NCKAP5: variants seen among roughly 807,000 people sequenced by gnomAD.
NCKAP5 encodes the protein NCK associated protein 5.
Under a neutral mutation model 167.0 loss-of-function variants are expected in NCKAP5, and 92 were observed. That is an observed-to-expected ratio of 0.55 (90% confidence interval 0.47 to 0.66). The LOEUF (loss-of-function observed/expected upper bound fraction) is 0.66. NCKAP5 is among the 30% of genes least tolerant of loss of function. NCKAP5 has a pLI of 0.00. For synonymous variants in NCKAP5, 891 were observed against 877.4 expected (o/e 1.02, Z -0.27); for missense variants, 2,378 against 2,315.0 (o/e 1.03, Z -0.56).
At chr2:133,605,723 T>C in the NCKAP5 span, among the ~76,000 whole-genome samples, 2 of 152,246 alleles carry the variant, frequency 1.3e-5, no homozygotes, top group African/African-American at 4.8e-5. Flanking sequence ...GTTGATTTGA[T>C]TTGTTCTTAT....
At chr2:132,838,397 C>T (rs372721463) in intron 11 of NCKAP5, among the ~76,000 whole-genome samples, 2 of 152,138 alleles carry the variant, frequency 1.3e-5, no homozygotes, top group Admixed American at 6.5e-5. Context: ...TTTGGGAGGC[C>T]GAGGTGGGTG....
At chr2:132,996,725 T>C (rs1312655842) in intron 6 of NCKAP5, among the ~76,000 whole-genome samples, 2 of 152,254 alleles carry the variant, frequency 1.3e-5, no homozygotes, top group Non-Finnish European at 2.9e-5. Context: ...GTAGATAAAA[T>C]ACATACTCAC....
chr2:132,715,104 C>G (rs1208990094), intron 19 of NCKAP5, among the ~76,000 whole-genome samples: 1 of 152,180 alleles, frequency 6.6e-6, no homozygotes, highest in Non-Finnish European at 1.5e-5. Context: ...GAAATGGTCT[C>G]TCTCTTGATC....
At chr2:132,780,781 T>C (rs546357048) in intron 15 of NCKAP5, among the ~76,000 whole-genome samples, 101 of 152,352 alleles carry the variant, frequency 6.6e-4, no homozygotes, top group African/African-American at 2.4e-3. Context: ...ATCATTTGCC[T>C]GGACTCACTG....
chr2:133,421,858 C>T (rs563402604), intron 3 of NCKAP5, among the ~76,000 whole-genome samples: 11 of 152,330 alleles, frequency 7.2e-5, no homozygotes, highest in African/African-American at 2.4e-4. Context: ...CACATTACAT[C>T]ACCTGCACTA....
At chr2:133,349,102 C>T (rs991750215) in intron 3 of NCKAP5, among the ~76,000 whole-genome samples, 2 of 152,146 alleles carry the variant, frequency 1.3e-5, no homozygotes, top group Non-Finnish European at 2.9e-5. Context: ...CAAATCTTTT[C>T]ACTGTTTTTT....
intron 16 of NCKAP5, among the ~76,000 whole-genome samples, chr2:132,756,113 C>T (rs1371668368): frequency 1.3e-5 from 2 of 152,002 alleles, no homozygotes; most frequent in Non-Finnish European, 2.9e-5. Flanking sequence ...AGCACCCAGG[C>T]TGTGAGACTG....
At chr2:133,280,102 T>G (rs2089882417) in intron 4 of NCKAP5, among the ~76,000 whole-genome samples, 1 of 152,230 alleles carries the variant, frequency 6.6e-6, no homozygotes, top group African/African-American at 2.4e-5. Flanking sequence ...TATTGTTATA[T>G]GCCTATATGC....
At chr2:133,308,950 T>G (rs1162241692) in intron 3 of NCKAP5, among the ~76,000 whole-genome samples, 2 of 151,384 alleles carry the variant, frequency 1.3e-5, no homozygotes, top group Non-Finnish European at 2.9e-5. Context: ...GACCTCATGA[T>G]CCACCCGCCT....
At chr2:132,846,691 T>G (rs909897889) in intron 11 of NCKAP5, among the ~76,000 whole-genome samples, 15 of 152,008 alleles carry the variant, frequency 9.9e-5, no homozygotes, top group South Asian at 2.1e-4. Context: ...CAAGCTATAA[T>G]AGAAAAAAGG....
At chr2:133,357,585 A>C (rs1253920117) in intron 3 of NCKAP5, among the ~76,000 whole-genome samples, 1 of 152,198 alleles carries the variant, frequency 6.6e-6, no homozygotes, top group East Asian at 1.9e-4. Flanking sequence ...GAAAAGGTAC[A>C]AATGGGTTTG....
chr2:133,573,117 G>A (rs994920237), upstream of NCKAP5, among the ~76,000 whole-genome samples: 2 of 152,166 alleles, frequency 1.3e-5, no homozygotes, highest in Non-Finnish European at 2.9e-5. Flanking sequence ...GGCCCCAAAC[G>A]CATAGTGGGA....
intron 6 of NCKAP5, among the ~76,000 whole-genome samples, chr2:133,026,332 C>T (rs997324461): frequency 1.3e-5 from 2 of 149,340 alleles, no homozygotes; most frequent in Non-Finnish European, 3.0e-5. Flanking sequence ...AGCACATATT[C>T]TTAACATGGT....
intron 2 of NCKAP5, among the ~76,000 whole-genome samples, chr2:133,529,979 A>G (rs1479626393): frequency 1.3e-5 from 2 of 152,150 alleles, no homozygotes; most frequent in Non-Finnish European, 2.9e-5. Flanking sequence ...TCACTTTGTT[A>G]TGGTATAGAA....
chr2:133,429,282 A>C (rs1328542396), intron 3 of NCKAP5, among the ~76,000 whole-genome samples: 1 of 143,580 alleles, frequency 7.0e-6, no homozygotes, highest in Non-Finnish European at 1.5e-5. Flanking sequence ...CTTTGTTTTA[A>C]TTTGGAGCTA....
At chr2:133,491,229 TG>T (rs1402826682) in intron 3 of NCKAP5, among the ~76,000 whole-genome samples, 3 of 152,246 alleles carry the variant, frequency 2.0e-5, no homozygotes, top group Non-Finnish European at 4.4e-5. Flanking sequence ...CTTGCCACCT[TG>T]TGTAAGAGAT....
At chr2:132,797,672 C>T (rs1197558373) in intron 11 of NCKAP5, among the ~76,000 whole-genome samples, 2 of 152,210 alleles carry the variant, frequency 1.3e-5, no homozygotes, top group African/African-American at 4.8e-5. Flanking sequence ...GGCCCTGCTG[C>T]ACACTGATGC....
At chr2:132,923,903 C>A (rs907979757) in intron 8 of NCKAP5, among the ~76,000 whole-genome samples, 1 of 152,302 alleles carries the variant, frequency 6.6e-6, no homozygotes, top group East Asian at 1.9e-4. Flanking sequence ...ATCAGTCTGT[C>A]CTCCCCTAAC....
intron 19 of NCKAP5, among the ~76,000 whole-genome samples, chr2:132,691,830 G>T (rs906376126): frequency 6.6e-6 from 1 of 152,092 alleles, no homozygotes; most frequent in Admixed American, 6.6e-5. Context: ...CCCCGCCACA[G>T]AAATATTCCA....
Sources: gnomAD v4.1 joint callset for allele counts (sites outside exome capture counted in the v4.1 genomes callset) on GRCh38, gnomAD v4.1.1 for gene constraint, MANE v1.5 for transcripts, NCBI Gene and HGNC (gene_info 2026-07-23, HGNC 2026-07-21) for gene names.